Variants in LINGO2 observed in about 807,000 individuals in gnomAD.
The protein encoded by LINGO2 is leucine rich repeat and Ig domain containing 2.
Under a neutral mutation model 30.6 loss-of-function variants are expected in LINGO2, and 14 were observed. The observed-to-expected ratio is 0.46, with a 90% confidence interval of 0.30 to 0.72. LINGO2 has a LOEUF of 0.72. Among genes scored for constraint, LINGO2 ranks in the 30% least tolerant of loss-of-function variants. LINGO2 has a pLI of 0.07. For missense variants in LINGO2, 729 were observed against 751.7 expected (o/e 0.97, Z 0.35); for synonymous variants, 317 against 288.5 (o/e 1.10, Z -1.00).
chr9:28,046,572 C>T lies in LINGO2; in HGVS notation c.-86-34167G>A, dbSNP rs568188431. Among the ~76,000 whole-genome samples the T allele has an allele frequency of 2.8e-4, 43 of 152,272 alleles. No individual in the cohort carries two copies. In the South Asian group the frequency reaches 8.7e-3, roughly 31 times the overall value. On this transcript the variant is annotated intron_variant, in intron 4 of 5. Coordinates refer to ENST00000379992, the Ensembl canonical transcript of LINGO2. ...CTTCAGAAGGTGAAACACTAAATTG[C>T]AAAGTCAGTTTTACTGTTGGACTGG... is the stretch of plus-strand genomic sequence containing the variant.
chr9:28,329,760 T>A lies in LINGO2; in HGVS notation c.-245-34394A>T, dbSNP rs1411199849. Among the ~76,000 whole-genome samples, 1 of 152,086 alleles carries A rather than the reference T, an allele frequency of 6.6e-6. No homozygotes were observed. Among genetic ancestry groups the A allele is most frequent in the East Asian group, 1.9e-4 (1 of 5,170 alleles). On this transcript the variant is annotated intron_variant, in intron 3 of 5. Transcript: ENST00000379992. The surrounding 1 kb of genome is among the most constrained non-coding windows in gnomAD (Gnocchi z 4.5). ...AAGACTTCAAACAGGCATGACCTTT[T>A]CCATGCAGACCATCCTGACCCCACC...
At chr9:28,144,273 C>T (rs1827753617) in intron 4 of LINGO2, among the ~76,000 whole-genome samples, 1 of 152,206 alleles carries the variant, frequency 6.6e-6, no homozygotes. Context: ...TTTTCCAGAA[C>T]ATCTCAAATG....
intron 4 of LINGO2, among the ~76,000 whole-genome samples, chr9:28,268,470 A>C (rs567249246): frequency 6.6e-6 from 1 of 152,184 alleles, no homozygotes; most frequent in South Asian, 2.1e-4. Context: ...AATTGCATTT[A>C]TTGATTCAGG....
At chr9:28,615,056 A>C (rs137983331) in intron 1 of LINGO2, among the ~76,000 whole-genome samples, 397 of 152,240 alleles carry the variant, frequency 2.6e-3, no homozygotes, top group African/African-American at 9.2e-3. Flanking sequence ...ATATAAAATT[A>C]AGGGAGGACA....
chr9:28,011,153 A>G (rs544406114), intron 5 of LINGO2, among the ~76,000 whole-genome samples: 3 of 152,202 alleles, frequency 2.0e-5, no homozygotes, highest in Non-Finnish European at 4.4e-5. Context: ...AGAGAATGAG[A>G]AAGTCAAATG....
intron 5 of LINGO2, among the ~76,000 whole-genome samples, chr9:27,986,304 A>G (rs1821120750): frequency 2.0e-5 from 3 of 151,848 alleles, no homozygotes; most frequent in African/African-American, 7.2e-5. Context: ...TTAAACAAAA[A>G]CAAAAAAGAA....
intron 3 of LINGO2, among the ~76,000 whole-genome samples, chr9:28,324,736 C>T (rs1278629515): frequency 7.2e-5 from 11 of 152,076 alleles, no homozygotes; most frequent in Admixed American, 7.2e-4. Flanking sequence ...CAGGAATTGG[C>T]CACCCCTTCC....
At chr9:29,036,092 T>A in the LINGO2 span, among the ~76,000 whole-genome samples, 2 of 152,058 alleles carry the variant, frequency 1.3e-5, no homozygotes, top group African/African-American at 4.8e-5. Flanking sequence ...TGCAACACCA[T>A]TACTCCAGAC....
intron 4 of LINGO2, among the ~76,000 whole-genome samples, chr9:28,220,844 T>A (rs1329490177): frequency 6.6e-6 from 1 of 151,970 alleles, no homozygotes; most frequent in Non-Finnish European, 1.5e-5. Context: ...AACAACCAAG[T>A]AACACCTCCA....
intron 1 of LINGO2, among the ~76,000 whole-genome samples, chr9:28,503,761 T>C (rs1271945985): frequency 6.6e-6 from 1 of 151,928 alleles, no homozygotes; most frequent in Non-Finnish European, 1.5e-5. Flanking sequence ...CTGCCACATC[T>C]TCCCGAGGTA....
At chr9:27,954,192 C>T (rs1224870479) in intron 5 of LINGO2, among the ~76,000 whole-genome samples, 1 of 152,120 alleles carries the variant, frequency 6.6e-6, no homozygotes, top group East Asian at 1.9e-4. Flanking sequence ...TATATCACTT[C>T]TATGTGTTGG....
the LINGO2 span, among the ~76,000 whole-genome samples, chr9:28,972,250 T>G: frequency 0.024 from 3,639 of 152,260 alleles, 124 homozygotes; most frequent in African/African-American, 0.082. Context: ...AGATGAACAT[T>G]CATAATCATC....
the LINGO2 span, among the ~76,000 whole-genome samples, chr9:28,734,731 A>G: frequency 0.65 from 98,755 of 151,956 alleles, 34,025 homozygotes; most frequent in Non-Finnish European, 0.78. Flanking sequence ...TGGGTAACCG[A>G]AAGTACTATT....
At chr9:28,986,281 A>G in the LINGO2 span, among the ~76,000 whole-genome samples, 1 of 151,956 alleles carries the variant, frequency 6.6e-6, no homozygotes, top group Non-Finnish European at 1.5e-5. Flanking sequence ...TTACTATAGC[A>G]TTATAATAGT....
At chr9:28,648,622 G>A (rs940801200) in intron 1 of LINGO2, among the ~76,000 whole-genome samples, 3 of 152,008 alleles carry the variant, frequency 2.0e-5, no homozygotes, top group African/African-American at 7.2e-5. Flanking sequence ...ATCCAATCAT[G>A]TTTGAACAAA....
chr9:28,484,686 A>G (rs1166293362), intron 1 of LINGO2, among the ~76,000 whole-genome samples: 2 of 152,134 alleles, frequency 1.3e-5, no homozygotes, highest in African/African-American at 4.8e-5. Flanking sequence ...CCATGAGAAT[A>G]ACTAAATTTA....
chr9:28,036,414 G>T (rs1191189763), intron 4 of LINGO2, among the ~76,000 whole-genome samples: 1 of 152,156 alleles, frequency 6.6e-6, no homozygotes, highest in Non-Finnish European at 1.5e-5. Flanking sequence ...GATTATTGTG[G>T]GTCCTGGTTG....
the LINGO2 span, among the ~76,000 whole-genome samples, chr9:28,678,365 C>A: frequency 1.3e-5 from 2 of 151,942 alleles, no homozygotes; most frequent in South Asian, 4.1e-4. Flanking sequence ...TTCCTTCTTT[C>A]TTCAGGTATC....
At chr9:29,083,465 G>A in the LINGO2 span, among the ~76,000 whole-genome samples, 235 of 152,136 alleles carry the variant, frequency 1.5e-3, 1 homozygote, top group Admixed American at 2.9e-3. Context: ...ATAGCATTAG[G>A]AGATATACCT....
Sources: allele counts gnomAD v4.1 joint callset (sites outside exome capture counted in the v4.1 genomes callset), GRCh38; gene constraint gnomAD v4.1.1; non-coding constraint Gnocchi (gnomAD v3.1); transcripts MANE v1.5; gene names NCBI Gene and HGNC (gene_info 2026-07-23, HGNC 2026-07-21).